The following SLC38A12 variants were observed in gnomAD, a reference collection of about 807,000 sequenced individuals.
SLC38A12 encodes solute carrier family 38 member 12.
the SLC38A12 span, among the ~76,000 whole-genome samples, chr17:74,779,950 G>A: frequency 1.7e-3 from 264 of 152,358 alleles, 1 homozygote; most frequent in Non-Finnish European, 2.2e-3. Flanking sequence ...ACACGGGAAC[G>A]TGGTTCAGAG....
the SLC38A12 span, among the ~76,000 whole-genome samples, chr17:74,834,266 T>A: frequency 6.7e-6 from 1 of 150,004 alleles, no homozygotes. Flanking sequence ...AGGTCGCCGC[T>A]TCCGCTTGAC....
At chr17:74,779,006 A>G in the SLC38A12 span, among the ~76,000 whole-genome samples, 2 of 152,126 alleles carry the variant, frequency 1.3e-5, no homozygotes, top group Admixed American at 6.5e-5. Flanking sequence ...GAATGGAATA[A>G]ATAGTGTCCC....
At chr17:74,792,635 C>G in the SLC38A12 span, among the ~76,000 whole-genome samples, 60 of 152,332 alleles carry the variant, frequency 3.9e-4, no homozygotes, top group African/African-American at 1.4e-3. Flanking sequence ...TCTTTCTAGT[C>G]TTAAATGTGG....
chr17:74,801,504 G>A, the SLC38A12 span, among the ~76,000 whole-genome samples: 19 of 152,182 alleles, frequency 1.2e-4, no homozygotes, highest in Non-Finnish European at 2.8e-4. Context: ...TTGGTGTGGG[G>A]TTGTGAGCCC....
chr17:74,839,031 G>A, the SLC38A12 span: 1 of 1,535,734 alleles, frequency 6.5e-7, no homozygotes, highest in Non-Finnish European at 8.7e-7. Context: ...GATGCCCCCG[G>A]TGCAGGCCAG....
At chr17:74,801,192 C>A in the SLC38A12 span, among the ~76,000 whole-genome samples, 1 of 152,222 alleles carries the variant, frequency 6.6e-6, no homozygotes, top group Admixed American at 6.5e-5. Flanking sequence ...TCCCTCCCAA[C>A]GCACCTCTTG....
the SLC38A12 span, among the ~76,000 whole-genome samples, chr17:74,799,293 G>A: frequency 3.3e-5 from 5 of 152,236 alleles, no homozygotes; most frequent in Non-Finnish European, 5.9e-5. Context: ...GGCAGGCCCC[G>A]GCCGAACAGA....
the SLC38A12 span, among the ~76,000 whole-genome samples, chr17:74,800,746 G>C: frequency 6.6e-6 from 1 of 152,218 alleles, no homozygotes. Flanking sequence ...AACTCCAGTA[G>C]AACACAGTGA....
the SLC38A12 span, chr17:74,836,697 A>G: frequency 1.9e-6 from 3 of 1,582,398 alleles, no homozygotes; most frequent in South Asian, 3.5e-5. The surrounding 1 kb of genome is among the most constrained non-coding windows in gnomAD (Gnocchi z 4.2). Context: ...ATGGCAGGAC[A>G]GGCAGGTCTA....
chr17:74,795,576 GAC>G, the SLC38A12 span: 1 of 1,614,114 alleles, frequency 6.2e-7, no homozygotes. Context: ...CAAATACAAT[GAC>G]ACTGACCGGT....
At chr17:74,785,736 C>T in the SLC38A12 span, 1 of 1,261,902 alleles carries the variant, frequency 7.9e-7, no homozygotes, top group Non-Finnish European at 1.1e-6. Flanking sequence ...TCAGTGAGTC[C>T]TTGCCAGGGT....
the SLC38A12 span, among the ~76,000 whole-genome samples, chr17:74,785,198 G>A: frequency 6.6e-6 from 1 of 152,226 alleles, no homozygotes; most frequent in Non-Finnish European, 1.5e-5. Context: ...CATCTGCGAT[G>A]CAGCTTTAGG....
chr17:74,810,403 C>A, the SLC38A12 span, among the ~76,000 whole-genome samples: 1 of 152,138 alleles, frequency 6.6e-6, no homozygotes, highest in East Asian at 1.9e-4. Context: ...CAGGGGGAGC[C>A]AAGGACAAAG....
chr17:74,795,731 G>A, the SLC38A12 span: 6 of 924,178 alleles, frequency 6.5e-6, no homozygotes, highest in Non-Finnish European at 6.8e-6. Flanking sequence ...TTTCCCCAGA[G>A]AGGAGGATCT....
the SLC38A12 span, among the ~76,000 whole-genome samples, chr17:74,795,793 T>G: frequency 6.6e-6 from 1 of 152,134 alleles, no homozygotes; most frequent in African/African-American, 2.4e-5. Context: ...CAGGCAGAAA[T>G]GGATCGTGTC....
the SLC38A12 span, among the ~76,000 whole-genome samples, chr17:74,824,454 G>C: frequency 0.033 from 5,009 of 150,608 alleles, 258 homozygotes; most frequent in African/African-American, 0.11. Context: ...GGCTGCCCCT[G>C]CCCCGCCGCA....
At chr17:74,783,317 A>C in the SLC38A12 span, among the ~76,000 whole-genome samples, 1 of 152,222 alleles carries the variant, frequency 6.6e-6, no homozygotes, top group Non-Finnish European at 1.5e-5. Flanking sequence ...TGAGCTTCAT[A>C]TTTAGTAACA....
At chr17:74,778,635 A>G in the SLC38A12 span, among the ~76,000 whole-genome samples, 1 of 132,650 alleles carries the variant, frequency 7.5e-6, no homozygotes, top group Non-Finnish European at 1.6e-5. Context: ...TTCTCAGGGG[A>G]AGTCTTTTTT....
chr17:74,798,563 A>G, the SLC38A12 span, among the ~76,000 whole-genome samples: 1 of 152,158 alleles, frequency 6.6e-6, no homozygotes, highest in South Asian at 2.1e-4. Flanking sequence ...TGGAGGAGCC[A>G]CAGAGCAGGG....
Sources: gnomAD v4.1 joint callset for allele counts (sites outside exome capture counted in the v4.1 genomes callset) on GRCh38, gnomAD v4.1.1 for gene constraint, Gnocchi (gnomAD v3.1) non-coding constraint, MANE v1.5 for transcripts, NCBI Gene and HGNC (gene_info 2026-07-23, HGNC 2026-07-21) for gene names.